ACOXL: variants seen among roughly 807,000 people sequenced by gnomAD.
The protein encoded by ACOXL is acyl-coenzyme A oxidase-like protein.
Under a neutral mutation model 71.9 loss-of-function variants are expected in ACOXL, and 70 were observed. The ratio of observed to expected loss-of-function variants is 0.97; its 90% CI spans 0.80 to 1.19. The LOEUF is 1.19. ACOXL is among the 50% of genes most tolerant of loss of function. ACOXL has a pLI of 0.00. For synonymous variants in ACOXL, 253 were observed against 281.6 expected, an observed-to-expected ratio of 0.90 and a Z score of 1.02; for missense variants, 703 against 736.3, an observed-to-expected ratio of 0.95 and a Z score of 0.52.
intron 17 of ACOXL, among the ~76,000 whole-genome samples, chr2:111,115,955 C>T (rs1041582985): frequency 6.6e-6 from 1 of 152,152 alleles, no homozygotes; most frequent in Non-Finnish European, 1.5e-5. Flanking sequence ...TCTGGCCCTA[C>T]GTTCTGTTTT....
intron 9 of ACOXL, among the ~76,000 whole-genome samples, chr2:110,835,863 C>G (rs564382520): frequency 1.4e-4 from 22 of 152,282 alleles, no homozygotes; most frequent in African/African-American, 5.1e-4. Flanking sequence ...GCATTTCTCA[C>G]AAGTTCCCAG....
At position 110,801,784 on chromosome 2, in the gene ACOXL, T is replaced by C. The variant is rs531042887; in HGVS notation, c.620+60T>C. The stretch of plus-strand genomic sequence containing the variant: ...CAGATGATCTCACTGCTCTCCAAAG[T>C]TGGCTTGGGTCTTGGGTCTCATGGG... On this transcript the variant is annotated intron_variant, in intron 8 of 17. Coordinates refer to ENST00000439055, the MANE Select transcript of ACOXL (RefSeq NM_001142807.4). 2.1e-5 allele frequency: 31 copies of C among 1,504,266 alleles called. No homozygotes were observed. The East Asian group carries it at 5.0e-4, about 24-fold the overall frequency. 93.2% of individuals were successfully genotyped at this position (1,504,266 alleles called of 1,614,324 possible).
chr2:110,753,818 A>G (rs1679316957), intron 1 of ACOXL, among the ~76,000 whole-genome samples: 1 of 152,168 alleles, frequency 6.6e-6, no homozygotes, highest in East Asian at 1.9e-4. Context: ...TGGTTGTACC[A>G]TTTTACATTT....
At chr2:110,903,305 G>A (rs754981225) in intron 10 of ACOXL, among the ~76,000 whole-genome samples, 47 of 152,218 alleles carry the variant, frequency 3.1e-4, no homozygotes, top group Non-Finnish European at 6.3e-4. Context: ...TGTCACATCC[G>A]ACGAATATTG....
chr2:110,757,572 C>T (rs1573366889), intron 1 of ACOXL, among the ~76,000 whole-genome samples: 1 of 152,036 alleles, frequency 6.6e-6, no homozygotes, highest in Admixed American at 6.6e-5. Flanking sequence ...GTTGTTTTTT[C>T]ACTTTTTAAT....
At chr2:110,786,243 G>C (rs562861809) in intron 3 of ACOXL, among the ~76,000 whole-genome samples, 20 of 152,322 alleles carry the variant, frequency 1.3e-4, no homozygotes, top group African/African-American at 4.8e-4. Context: ...CAGACAAGAA[G>C]CCAGGTCAGT....
intron 15 of ACOXL, among the ~76,000 whole-genome samples, chr2:111,048,402 G>A (rs539030058): frequency 1.8e-4 from 28 of 152,306 alleles, no homozygotes; most frequent in South Asian, 1.7e-3. Context: ...GCCTTAATGC[G>A]TGTCAAATAA....
chr2:110,901,398 G>A (rs569832151), intron 10 of ACOXL, among the ~76,000 whole-genome samples: 10 of 152,126 alleles, frequency 6.6e-5, no homozygotes, highest in African/African-American at 1.2e-4. Flanking sequence ...AAATATTCCC[G>A]TGTTTAAAAA....
intron 12 of ACOXL, among the ~76,000 whole-genome samples, chr2:110,944,046 C>T (rs2061000561): frequency 6.6e-6 from 1 of 152,050 alleles, no homozygotes; most frequent in African/African-American, 2.4e-5. Context: ...CAGAGCCATA[C>T]TTTTATTTTT....
At chr2:110,966,561 C>G (rs1206964850) in intron 12 of ACOXL, among the ~76,000 whole-genome samples, 1 of 152,250 alleles carries the variant, frequency 6.6e-6, no homozygotes, top group Non-Finnish European at 1.5e-5. Context: ...CTCTTCCCTC[C>G]CTGCCCCCTA....
intron 1 of ACOXL, among the ~76,000 whole-genome samples, chr2:110,744,355 T>G (rs1308723890): frequency 1.3e-5 from 2 of 152,178 alleles, no homozygotes; most frequent in Non-Finnish European, 2.9e-5. Context: ...AAGGGAATTA[T>G]TTTGGCAAAA....
intron 16 of ACOXL, among the ~76,000 whole-genome samples, chr2:111,091,747 C>T (rs1008610809): frequency 6.6e-6 from 1 of 152,100 alleles, no homozygotes; most frequent in East Asian, 1.9e-4. Context: ...CTGAAATTAA[C>T]CTTAAATATC....
At chr2:111,037,865 GGGGGTTCT>G (rs2065595363) in intron 15 of ACOXL, among the ~76,000 whole-genome samples, 1 of 152,218 alleles carries the variant, frequency 6.6e-6, no homozygotes, top group East Asian at 1.9e-4. Context: ...CCCAGAGAAT[GGGGGTTCT>G]GGTGTTCTTG....
chr2:110,926,646 A>G (rs2060280191), intron 11 of ACOXL, among the ~76,000 whole-genome samples: 1 of 152,200 alleles, frequency 6.6e-6, no homozygotes, highest in Non-Finnish European at 1.5e-5. Context: ...TCTGGAGGAT[A>G]ATAAATGCCC....
chr2:111,009,236 A>G (rs1355064193), intron 14 of ACOXL, among the ~76,000 whole-genome samples: 1 of 152,120 alleles, frequency 6.6e-6, no homozygotes, highest in Non-Finnish European at 1.5e-5. Context: ...GTTTGAGGCT[A>G]GGCATGGTGG....
chr2:111,118,091 G>A lies in ACOXL; in HGVS notation c.*275G>A, dbSNP rs1337288871. The A allele has an allele frequency of 3.6e-6, 2 of 552,162 alleles. No homozygotes were observed. Among genetic ancestry groups the A allele is most frequent in the African/African-American group, 1.9e-5 (1 of 51,704 alleles). The allele number at this position is 552,162 out of a possible 1,614,324, so 34.2% of individuals were successfully genotyped here. A position where few individuals can be genotyped will look rare whatever the true frequency, so the allele number is the denominator to read the frequency against. ...GCAACCTCTCCCAACTTCAGTGCCG[G>A]ATCCCCTAGACAATCAGGGTGGGCT... On this transcript the variant is annotated 3_prime_UTR_variant, in exon 18 of 18. Transcript: ENST00000439055.
At chr2:110,903,724 G>C (rs2059335691) in intron 10 of ACOXL, among the ~76,000 whole-genome samples, 1 of 152,248 alleles carries the variant, frequency 6.6e-6, no homozygotes, top group Non-Finnish European at 1.5e-5. Context: ...TTGCTGGCCA[G>C]CTGCAGGGAT....
intron 16 of ACOXL, among the ~76,000 whole-genome samples, chr2:111,057,967 G>A (rs1370619156): frequency 1.8e-4 from 6 of 33,254 alleles, no homozygotes; most frequent in Non-Finnish European, 3.4e-4. Context: ...CTACCCATGC[G>A]AGTCTAGCAC....
At chr2:110,934,870 G>T (rs2060603837) in intron 12 of ACOXL, among the ~76,000 whole-genome samples, 1 of 152,178 alleles carries the variant, frequency 6.6e-6, no homozygotes, top group African/African-American at 2.4e-5. Flanking sequence ...GAAAAGAAAG[G>T]GAATGGAGAA....
Sources: allele counts gnomAD v4.1 joint callset (sites outside exome capture counted in the v4.1 genomes callset), GRCh38; gene constraint gnomAD v4.1.1; transcripts MANE v1.5; gene names NCBI Gene and HGNC (gene_info 2026-07-23, HGNC 2026-07-21).